ZNRF3: variants seen among roughly 807,000 people sequenced by gnomAD.
ZNRF3 encodes the protein zinc and ring finger 3, also known as E3 ubiquitin-protein ligase ZNRF3.
In ZNRF3, 23 loss-of-function variants were observed where a neutral mutation model predicts 72.5. The observed-to-expected ratio is 0.32, with a 90% CI of 0.23 to 0.45. The LOEUF is 0.45. Ranked by LOEUF, ZNRF3 falls within the 20% of genes least tolerant of loss-of-function variation. The probability of loss-of-function intolerance (pLI) is 1.00; values close to 1 mark genes in which losing one functional copy is unlikely to be tolerated. For synonymous variants in ZNRF3, 610 were observed against 545.3 expected (o/e 1.12, Z -1.65); for missense variants, 1,169 against 1,272.1 (o/e 0.92, Z 1.23).
chr22:28,942,779 A>G (rs1429965626), intron 1 of ZNRF3, among the ~76,000 whole-genome samples: 3 of 152,318 alleles, frequency 2.0e-5, no homozygotes, highest in East Asian at 1.9e-4. Context: ...ACTCAAATTA[A>G]GAGGTGCCCT....
chr22:28,897,162 A>G (rs781230481), intron 1 of ZNRF3, among the ~76,000 whole-genome samples: 5 of 152,134 alleles, frequency 3.3e-5, no homozygotes, highest in Admixed American at 2.0e-4. Flanking sequence ...CTTGATCAAA[A>G]TCTTTCGTGG....
intron 2 of ZNRF3, among the ~76,000 whole-genome samples, chr22:29,004,746 C>T (rs1213386971): frequency 1.4e-5 from 2 of 143,974 alleles, no homozygotes; most frequent in African/African-American, 2.5e-5. Flanking sequence ...GGGAGGAGGG[C>T]GGGTGGCGGC....
At chr22:28,963,647 A>C (rs943936654) in intron 1 of ZNRF3, among the ~76,000 whole-genome samples, 2 of 152,120 alleles carry the variant, frequency 1.3e-5, no homozygotes, top group Admixed American at 1.3e-4. Context: ...TTAATGACAT[A>C]ATGTCTGAGC....
At chr22:29,003,785 G>A (rs1459187297) in intron 2 of ZNRF3, among the ~76,000 whole-genome samples, 1 of 151,906 alleles carries the variant, frequency 6.6e-6, no homozygotes, top group Non-Finnish European at 1.5e-5. Context: ...ACAGTGGGTG[G>A]TGATCCTGCT....
chr22:29,001,559 C>T lies in ZNRF3; in HGVS notation c.426+14358C>T, dbSNP rs572230458. Among the ~76,000 whole-genome samples the T allele has an allele frequency of 6.6e-5, 10 of 151,624 alleles. No individual in the cohort carries two copies. In the South Asian group the frequency reaches 2.1e-3, roughly 32 times the overall value. On this transcript the variant is annotated intron_variant, in intron 2 of 8. Transcript: ENST00000544604. The stretch of plus-strand genomic sequence containing the variant: ...TGATCTTGGCTCACTGCAACCTCCA[C>T]CTCCTGTGTTCAAGCGATTCTCCTG...
chr22:28,919,588 G>A (rs1322474565), intron 1 of ZNRF3, among the ~76,000 whole-genome samples: 1 of 149,236 alleles, frequency 6.7e-6, no homozygotes, highest in African/African-American at 2.5e-5. Flanking sequence ...CACCCAGGCT[G>A]GAGTGCAGTG....
At chr22:29,044,629 C>T in intron 4 of ZNRF3, 151 bp from the exon 5 acceptor site, 1 of 645,786 alleles carries the variant, frequency 1.5e-6, no homozygotes, top group Non-Finnish European at 2.8e-6. Flanking sequence ...ACACCATGTG[C>T]ATGTGAGCAG....
Position 29,046,755 on chromosome 22 carries a change from A to T in ZNRF3, c.784A>T (p.Met262Leu). 1 of 1,611,638 alleles carries T rather than the reference A, an allele frequency of 6.2e-7. No individual in the cohort carries two copies. Among genetic ancestry groups the T allele is most frequent in the Non-Finnish European group, 8.5e-7 (1 of 1,178,836 alleles). Reference sequence around the variant, plus strand: ...GCTGGCTGTGCAGGCTCTAGAGAAGATGGAAACCAGAAAGTTCAACTCCAA... The same window carrying T: ...GCTGGCTGTGCAGGCTCTAGAGAAGTTGGAAACCAGAAAGTTCAACTCCAA... ...NRLAVQALEK[M>L]ETRKFNSKSK... Residue 262 changes from methionine to leucine, a missense_variant, in exon 6 of 9, where the codon ATG becomes TTG. Physicochemically the swap from Met to Leu is conservative, Grantham distance 15. This residue lies in a region of ZNRF3 where 386 missense variants were observed against 540.7 expected (regional missense o/e 0.71). Coordinates refer to ENST00000544604, the MANE Select transcript of ZNRF3 (RefSeq NM_001206998.2).
chr22:28,960,444 T>C (rs1008099039), intron 1 of ZNRF3, among the ~76,000 whole-genome samples: 65 of 152,288 alleles, frequency 4.3e-4, no homozygotes, highest in African/African-American at 1.5e-3. Context: ...TTCAGTGGCA[T>C]CCCAGAGCTG....
At chr22:29,038,247 T>A (rs1261956711) in intron 2 of ZNRF3, among the ~76,000 whole-genome samples, 1 of 152,064 alleles carries the variant, frequency 6.6e-6, no homozygotes, top group East Asian at 1.9e-4. Flanking sequence ...GAATGATCTG[T>A]GAGAGTGATT....
chr22:28,911,310 C>T (rs1403486887), intron 1 of ZNRF3, among the ~76,000 whole-genome samples: 1 of 152,132 alleles, frequency 6.6e-6, no homozygotes, highest in Admixed American at 6.5e-5. Context: ...ACCAGTGGGT[C>T]CCATAGTCAG....
At chr22:28,937,192 T>C (rs1477961839) in intron 1 of ZNRF3, among the ~76,000 whole-genome samples, 2 of 3,030 alleles carry the variant, frequency 6.6e-4, no homozygotes, top group African/African-American at 1.0e-3. Flanking sequence ...TATATATATA[T>C]ATATATATAT....
intron 1 of ZNRF3, among the ~76,000 whole-genome samples, chr22:28,975,791 T>C (rs1191897223): frequency 6.6e-6 from 1 of 152,022 alleles, no homozygotes; most frequent in Non-Finnish European, 1.5e-5. Context: ...GTTTGAAAAA[T>C]GAAATTGTGG....
At chr22:29,002,591 C>T (rs975783784) in intron 2 of ZNRF3, among the ~76,000 whole-genome samples, 1 of 152,210 alleles carries the variant, frequency 6.6e-6, no homozygotes, top group African/African-American at 2.4e-5. Flanking sequence ...TAATTTTTCT[C>T]TCAAAGGTTT....
chr22:28,910,407 C>G (rs1395202093), intron 1 of ZNRF3, among the ~76,000 whole-genome samples: 1 of 152,150 alleles, frequency 6.6e-6, no homozygotes, highest in African/African-American at 2.4e-5. Flanking sequence ...TCTGTCCTTT[C>G]CTAGAGGACG....
At chr22:29,053,499 C>A in intron 8 of ZNRF3, 80 bp from the exon 9 acceptor site, 2 of 1,424,118 alleles carry the variant, frequency 1.4e-6, no homozygotes, top group Non-Finnish European at 2.0e-6. Context: ...ATGCTGGGGA[C>A]AGGGCCACCT....
chr22:28,985,299 G>C (rs1037489845), intron 1 of ZNRF3, among the ~76,000 whole-genome samples: 1 of 152,068 alleles, frequency 6.6e-6, no homozygotes, highest in Admixed American at 6.5e-5. Flanking sequence ...TGTAGACAGT[G>C]ACCCTTCCTA....
intron 1 of ZNRF3, among the ~76,000 whole-genome samples, chr22:28,975,375 G>A (rs2035650836): frequency 1.3e-5 from 2 of 152,042 alleles, no homozygotes; most frequent in Admixed American, 1.3e-4. Context: ...GGTGGCGGAC[G>A]CCTGTAGTCC....
At chr22:28,996,949 C>T (rs1353585536) in intron 2 of ZNRF3, among the ~76,000 whole-genome samples, 1 of 152,176 alleles carries the variant, frequency 6.6e-6, no homozygotes, top group Non-Finnish European at 1.5e-5. Flanking sequence ...ATGCCATCCT[C>T]ATTGGGGTTT....
Sources: gnomAD v4.1 joint callset for allele counts (sites outside exome capture counted in the v4.1 genomes callset) on GRCh38, gnomAD v4.1.1 for gene constraint, gnomAD v4.1.1 regional missense constraint, MANE v1.5 for transcripts, NCBI Gene and HGNC (gene_info 2026-07-23, HGNC 2026-07-21) for gene names.